STXBP5L: variants seen among roughly 807,000 people sequenced by gnomAD.
STXBP5L encodes syntaxin binding protein 5L.
In STXBP5L, 65 loss-of-function variants were observed where a neutral mutation model predicts 144.5. The observed-to-expected ratio is 0.45, with a 90% confidence interval of 0.37 to 0.55. The LOEUF (loss-of-function observed/expected upper bound fraction) is 0.55. Ranked by LOEUF, STXBP5L falls within the 20% of genes least tolerant of loss-of-function variation. The pLI is 0.00. For missense variants in STXBP5L, 1,298 were observed against 1,405.5 expected (o/e 0.92, Z 1.22); for synonymous variants, 505 against 469.6 (o/e 1.08, Z -0.97).
At chr3:121,192,491 CA>C (rs1408358044) in intron 9 of STXBP5L, among the ~76,000 whole-genome samples, 1 of 151,950 alleles carries the variant, frequency 6.6e-6, no homozygotes, top group Admixed American at 6.6e-5. Flanking sequence ...CATATGGAAC[CA>C]AAAAAGAGCC....
intron 3 of STXBP5L, among the ~76,000 whole-genome samples, chr3:120,995,841 G>A (rs547279582): frequency 7.4e-4 from 112 of 152,070 alleles, no homozygotes; most frequent in Middle Eastern, 3.4e-3. Context: ...TTTTCCACCC[G>A]TTCTTATGTT....
rs759721947 is a variant in STXBP5L at position 121,157,488 on chromosome 3, ATTG to A, written c.754-13_754-11del. On this transcript the variant is annotated splice_polypyrimidine_tract_variant and intron_variant, in intron 8 of 26. Transcript: ENST00000471454. ...CTTTTTTCCCCCTCTACTTGTTTTAATTGTTATTTTATTAGGCTATTCATTCAA... is the reference window on the plus strand; with the variant it reads ...CTTTTTTCCCCCTCTACTTGTTTTAATTATTTTATTAGGCTATTCATTCAA... The A allele has an allele frequency of 1.9e-6, 3 of 1,557,202 alleles. No homozygotes were observed. The South Asian group carries it at 3.7e-5, about 19-fold the overall frequency.
At chr3:121,070,454 A>T (rs2041757850) in intron 5 of STXBP5L, among the ~76,000 whole-genome samples, 1 of 152,162 alleles carries the variant, frequency 6.6e-6, no homozygotes, top group Admixed American at 6.5e-5. Flanking sequence ...GGGGGGTGTC[A>T]CACTTTGCAG....
intron 21 of STXBP5L, among the ~76,000 whole-genome samples, chr3:121,380,547 G>A (rs943902196): frequency 5.3e-5 from 8 of 151,990 alleles, no homozygotes; most frequent in Admixed American, 1.3e-4. Flanking sequence ...TTATTGGAGC[G>A]TGCACATGTA....
In STXBP5L at chr3:121,074,087, A is replaced by G. The variant is rs561749220; in HGVS notation, c.470+28552A>G. Among the ~76,000 whole-genome samples, 18 of 152,318 alleles carry G rather than the reference A, an allele frequency of 1.2e-4. No individual in the cohort carries two copies. The South Asian group carries it at 3.7e-3, about 32-fold the overall frequency. ...GACACAGGGGTCACTTGGTGGCACA[A>G]AAGCCTTCAGGTCTGTCTAGTGCTT... On this transcript the variant is annotated intron_variant, in intron 5 of 26. Coordinates refer to ENST00000471454, the MANE Select transcript of STXBP5L (RefSeq NM_001308330.2).
chr3:121,352,089 T>C (rs2108614713), intron 20 of STXBP5L, among the ~76,000 whole-genome samples: 1 of 152,270 alleles, frequency 6.6e-6, no homozygotes, highest in South Asian at 2.1e-4. Flanking sequence ...TACTGTAGCC[T>C]TGTAGTATAG....
chr3:121,337,357 A>G (rs1215621461), intron 20 of STXBP5L, among the ~76,000 whole-genome samples: 1 of 151,554 alleles, frequency 6.6e-6, no homozygotes, highest in Non-Finnish European at 1.5e-5. Context: ...GTGGAAAAAG[A>G]TATTCCATGC....
At chr3:121,020,636 C>A (rs548118060) in intron 3 of STXBP5L, among the ~76,000 whole-genome samples, 2 of 152,102 alleles carry the variant, frequency 1.3e-5, no homozygotes, top group Non-Finnish European at 2.9e-5. Flanking sequence ...AATTATCAGG[C>A]AAGAATTTTT....
intron 3 of STXBP5L, among the ~76,000 whole-genome samples, chr3:120,968,031 C>G (rs1172195539): frequency 6.6e-6 from 1 of 152,106 alleles, no homozygotes; most frequent in Non-Finnish European, 1.5e-5. Flanking sequence ...TATGGTCTGT[C>G]CTAGAGAATG....
At chr3:121,351,840 T>C (rs1023270879) in intron 20 of STXBP5L, among the ~76,000 whole-genome samples, 1 of 152,136 alleles carries the variant, frequency 6.6e-6, no homozygotes, top group African/African-American at 2.4e-5. Flanking sequence ...GTCTTTAATC[T>C]ATCTTGAATG....
At chr3:121,390,200 G>T (rs2108703690) in intron 22 of STXBP5L, among the ~76,000 whole-genome samples, 1 of 152,216 alleles carries the variant, frequency 6.6e-6, no homozygotes, top group Non-Finnish European at 1.5e-5. Flanking sequence ...CAGAGACTAG[G>T]ATTGCAATCC....
intron 20 of STXBP5L, among the ~76,000 whole-genome samples, chr3:121,368,472 T>C (rs984781171): frequency 2.0e-5 from 3 of 152,032 alleles, no homozygotes; most frequent in Admixed American, 2.0e-4. Flanking sequence ...CCCTCAGGAC[T>C]TTTTCAGGGA....
intron 3 of STXBP5L, among the ~76,000 whole-genome samples, chr3:120,974,852 T>A (rs1252756649): frequency 6.6e-6 from 1 of 152,208 alleles, no homozygotes; most frequent in Non-Finnish European, 1.5e-5. Flanking sequence ...CAGATAGTTG[T>A]AGATATGCGG....
At chr3:121,203,110 T>C (rs1298674310) in intron 9 of STXBP5L, among the ~76,000 whole-genome samples, 1 of 151,914 alleles carries the variant, frequency 6.6e-6, no homozygotes, top group African/African-American at 2.4e-5. Context: ...CTCTGTGTTC[T>C]TCCAGCATCA....
chr3:121,117,600 T>C (rs2044287127), intron 6 of STXBP5L, among the ~76,000 whole-genome samples: 1 of 151,826 alleles, frequency 6.6e-6, no homozygotes, highest in Non-Finnish European at 1.5e-5. Context: ...TTAATAAATA[T>C]AATTTTAGTC....
At chr3:121,287,879 A>G (rs1263895368) in intron 19 of STXBP5L, among the ~76,000 whole-genome samples, 1 of 152,146 alleles carries the variant, frequency 6.6e-6, no homozygotes, top group Non-Finnish European at 1.5e-5. Flanking sequence ...TTGCTAAGAA[A>G]AGTTAAGAAG....
chr3:120,966,194 G>C (rs1043277345), intron 3 of STXBP5L, among the ~76,000 whole-genome samples: 1 of 152,108 alleles, frequency 6.6e-6, no homozygotes, highest in Admixed American at 6.6e-5. Flanking sequence ...CTTTTGTCAA[G>C]GTTTTTAGCT....
At chr3:121,179,690 G>A (rs561512510) in intron 9 of STXBP5L, among the ~76,000 whole-genome samples, 11 of 152,146 alleles carry the variant, frequency 7.2e-5, no homozygotes, top group Admixed American at 2.6e-4. Context: ...AAAAATATAT[G>A]TAGGATATGG....
intron 11 of STXBP5L, among the ~76,000 whole-genome samples, chr3:121,228,635 G>T (rs1353869271): frequency 6.6e-6 from 1 of 152,124 alleles, no homozygotes; most frequent in Non-Finnish European, 1.5e-5. Flanking sequence ...CCAACACTTT[G>T]GGAGGCTGAG....
Sources: allele counts gnomAD v4.1 joint callset (sites outside exome capture counted in the v4.1 genomes callset), GRCh38; gene constraint gnomAD v4.1.1; transcripts MANE v1.5; gene names NCBI Gene and HGNC (gene_info 2026-07-23, HGNC 2026-07-21).